Variants in SLCO1A2 observed in about 807,000 individuals in gnomAD.
The protein encoded by SLCO1A2 is OATP-1.
In SLCO1A2, 67 loss-of-function variants were observed where a neutral mutation model predicts 69.0. The observed-to-expected ratio is 0.97, with a 90% confidence interval of 0.80 to 1.19. The LOEUF (loss-of-function observed/expected upper bound fraction) is 1.19. SLCO1A2 is among the 50% of genes most tolerant of loss of function. The pLI is 0.00. For missense variants in SLCO1A2, 787 were observed against 793.7 expected (o/e 0.99, Z 0.10); for synonymous variants, 260 against 265.9 (o/e 0.98, Z 0.22).
At chr12:21,284,242 AAAAG>A (rs1442459781) in intron 12 of SLCO1A2, among the ~76,000 whole-genome samples, 2 of 152,200 alleles carry the variant, frequency 1.3e-5, no homozygotes, top group Admixed American at 1.3e-4. Context: ...AGCCATAAAA[AAAAG>A]AATGAGGGGG....
chr12:21,334,447 A>T, intron 2 of SLCO1A2, 141 bp downstream of exon 2: 1 of 610,602 alleles, frequency 1.6e-6, no homozygotes, highest in Non-Finnish European at 2.8e-6. Flanking sequence ...CAACTTCTTT[A>T]AAGCAAGAAA....
At chr12:21,364,886 A>C (rs923844455) in intron 2 of SLCO1A2, among the ~76,000 whole-genome samples, 2 of 152,218 alleles carry the variant, frequency 1.3e-5, no homozygotes, top group Middle Eastern at 3.4e-3. Context: ...ACTGCTCAGC[A>C]AAATAAAACA....
intron 2 of SLCO1A2, among the ~76,000 whole-genome samples, chr12:21,326,976 T>C (rs1952288582): frequency 6.6e-6 from 1 of 152,086 alleles, no homozygotes; most frequent in Admixed American, 6.6e-5. Context: ...ACCCAGACAA[T>C]GGGGAAAATG....
intron 2 of SLCO1A2, among the ~76,000 whole-genome samples, chr12:21,371,143 T>G (rs11046005): frequency 6.6e-6 from 1 of 152,062 alleles, no homozygotes; most frequent in Admixed American, 6.5e-5. Context: ...GTGGTAGTAA[T>G]TTTTGGGTCA....
chr12:21,403,514 A>G (rs1267135131), intron 1 of SLCO1A2: 1 of 152,124 alleles, frequency 6.6e-6, no homozygotes, highest in Non-Finnish European at 1.5e-5. Flanking sequence ...CAGTATGAAT[A>G]AGGCACCTCA....
At chr12:21,383,372 G>A (rs1053514520) in intron 1 of SLCO1A2, among the ~76,000 whole-genome samples, 39 of 151,928 alleles carry the variant, frequency 2.6e-4, no homozygotes, top group Admixed American at 2.3e-3. Context: ...GTCCCTTAAC[G>A]TCCTCCCCAT....
intron 12 of SLCO1A2, among the ~76,000 whole-genome samples, chr12:21,291,865 C>T (rs571716865): frequency 1.3e-5 from 2 of 152,096 alleles, no homozygotes; most frequent in African/African-American, 2.4e-5. Flanking sequence ...CCATTTTATA[C>T]GGCCTACCCT....
intron 1 of SLCO1A2, among the ~76,000 whole-genome samples, chr12:21,382,349 C>T (rs535534722): frequency 1.3e-5 from 2 of 151,864 alleles, no homozygotes; most frequent in Non-Finnish European, 2.9e-5. Context: ...TGAGAGGGGG[C>T]CAGGAATAAA....
chr12:21,398,642 A>C (rs1474277672), upstream of SLCO1A2, among the ~76,000 whole-genome samples: 363 of 151,020 alleles, frequency 2.4e-3, no homozygotes, highest in Middle Eastern at 6.9e-3. Context: ...TACTGGCAAA[A>C]CGAATCCAGC....
intron 14 of SLCO1A2, among the ~76,000 whole-genome samples, chr12:21,270,718 ATAAT>A (rs3060625): frequency 0.34 from 51,684 of 150,922 alleles, 9,425 homozygotes; most frequent in African/African-American, 0.48. Context: ...CTGGTAATAT[ATAAT>A]TAATTGTCTA....
intron 1 of SLCO1A2, among the ~76,000 whole-genome samples, chr12:21,417,566 A>G (rs1227879362): frequency 6.6e-6 from 1 of 151,744 alleles, no homozygotes; most frequent in African/African-American, 2.4e-5. Context: ...AAAAAGTGAC[A>G]AAGGGGATTA....
At chr12:21,314,750 T>C in intron 3 of SLCO1A2, 69 bp from the exon 4 acceptor site, 1 of 1,144,646 alleles carries the variant, frequency 8.7e-7, no homozygotes, top group East Asian at 2.5e-5. Flanking sequence ...CCTCACCCAA[T>C]CATTTACATT....
In SLCO1A2 at chr12:21,328,659, C is replaced by A. The variant is rs565849555; in HGVS notation, c.60+5929G>T. Among the ~76,000 whole-genome samples, 3 of 152,212 alleles carry A rather than the reference C, an allele frequency of 2.0e-5. No homozygotes were observed. In the East Asian group the frequency reaches 5.8e-4, roughly 29 times the overall value. ...TCTGGAGCTCTTTCTGACTTGGAGG[C>A]CTTCCCTCTTTCTGTGCTGAACTAC... is the stretch of plus-strand genomic sequence containing the variant. On this transcript the variant is annotated intron_variant, in intron 2 of 14. Coordinates refer to ENST00000683939, the MANE Select transcript of SLCO1A2 (RefSeq NM_001386879.1).
chr12:21,372,649 G>A (rs1939882162), intron 2 of SLCO1A2, among the ~76,000 whole-genome samples: 1 of 152,304 alleles, frequency 6.6e-6, no homozygotes, highest in South Asian at 2.1e-4. Context: ...ATTCACTCAT[G>A]TCTTACAAAG....
At chr12:21,398,681 T>G (rs1244613104), upstream of SLCO1A2, among the ~76,000 whole-genome samples, 1 of 151,562 alleles carries the variant, frequency 6.6e-6, no homozygotes, top group Admixed American at 6.6e-5. Context: ...TCCACCATGA[T>G]CAAGTGGGCT....
At chr12:21,406,424 G>A (rs139670515) in intron 1 of SLCO1A2, among the ~76,000 whole-genome samples, 626 of 152,312 alleles carry the variant, frequency 4.1e-3, no homozygotes, top group African/African-American at 6.0e-3. Context: ...AAAGTAAGGG[G>A]AGGAGCCCTG....
chr12:21,400,123 C>T (rs1034719146), upstream of SLCO1A2, among the ~76,000 whole-genome samples: 40 of 152,060 alleles, frequency 2.6e-4, no homozygotes, highest in Non-Finnish European at 1.5e-4. Context: ...TCGCAACCTA[C>T]TCATCTGACA....
chr12:21,319,554 G>A (rs1413522981), intron 2 of SLCO1A2: 27 of 1,024,542 alleles, frequency 2.6e-5, no homozygotes, highest in Non-Finnish European at 3.4e-5. Context: ...ATAAGCCCAG[G>A]ACAGAGTATT....
intron 12 of SLCO1A2, among the ~76,000 whole-genome samples, chr12:21,291,386 G>A (rs758964739): frequency 6.6e-6 from 1 of 152,136 alleles, no homozygotes; most frequent in Non-Finnish European, 1.5e-5. Flanking sequence ...ACTGGAAGTA[G>A]GGAATTGAAT....
Sources: allele counts gnomAD v4.1 joint callset (sites outside exome capture counted in the v4.1 genomes callset), GRCh38; gene constraint gnomAD v4.1.1; transcripts MANE v1.5; gene names NCBI Gene and HGNC (gene_info 2026-07-23, HGNC 2026-07-21).